CHN2: variants seen among roughly 807,000 people sequenced by gnomAD.
The protein encoded by CHN2 is beta-chimaerin.
In CHN2, 35 loss-of-function variants were observed where a neutral mutation model predicts 56.3. That is an observed-to-expected ratio of 0.62 (90% CI 0.47 to 0.82). The LOEUF (loss-of-function observed/expected upper bound fraction) is 0.82, where lower values mean the gene tolerates loss of function less well. Ranked by LOEUF, CHN2 falls within the 40% of genes least tolerant of loss-of-function variation. The probability of loss-of-function intolerance (pLI) is 0.00; values close to 1 mark genes in which losing one functional copy is unlikely to be tolerated. For synonymous variants in CHN2, 210 were observed against 212.8 expected (o/e 0.99, Z 0.12); for missense variants, 491 against 580.5 (o/e 0.85, Z 1.58).
chr7:29,193,652 A>G (rs1783186855), upstream of CHN2: 2 of 152,340 alleles, frequency 1.3e-5, no homozygotes, highest in South Asian at 4.1e-4. Context: ...TCCCAGTGAA[A>G]TTAATTTAGG....
At chr7:29,464,959 G>A (rs1585489421) in intron 6 of CHN2, among the ~76,000 whole-genome samples, 1 of 152,142 alleles carries the variant, frequency 6.6e-6, no homozygotes, top group Non-Finnish European at 1.5e-5. Context: ...GATCAAAGCC[G>A]CCAGCCGTGT....
At chr7:29,461,915 C>A (rs1184155285) in intron 6 of CHN2, among the ~76,000 whole-genome samples, 5 of 152,162 alleles carry the variant, frequency 3.3e-5, no homozygotes, top group African/African-American at 1.2e-4. Flanking sequence ...GTGTCTCATA[C>A]ATACATATAA....
At chr7:29,190,589 T>C (rs761197713), upstream of CHN2, among the ~76,000 whole-genome samples, 4 of 152,158 alleles carry the variant, frequency 2.6e-5, no homozygotes, top group South Asian at 2.1e-4. Context: ...TAACAGCCGG[T>C]GAAGGAGGGT....
At chr7:29,330,521 G>A (rs1470968297) in intron 1 of CHN2, among the ~76,000 whole-genome samples, 1 of 152,182 alleles carries the variant, frequency 6.6e-6, no homozygotes, top group Non-Finnish European at 1.5e-5. Context: ...CTTGTCTTTT[G>A]AAAGTAAATT....
chr7:29,323,920 C>T (rs1274823942), intron 1 of CHN2, among the ~76,000 whole-genome samples: 3 of 151,926 alleles, frequency 2.0e-5, no homozygotes, highest in Non-Finnish European at 2.9e-5. Context: ...AGGAGAATGG[C>T]GTGAACCCGG....
intron 7 of CHN2, among the ~76,000 whole-genome samples, chr7:29,489,901 A>G (rs1788463863): frequency 6.6e-6 from 1 of 152,194 alleles, no homozygotes; most frequent in South Asian, 2.1e-4. Flanking sequence ...AAATTTTAGA[A>G]AATCTGTGAT....
At chr7:29,314,634 T>C (rs1408862766) in intron 1 of CHN2, among the ~76,000 whole-genome samples, 1 of 152,178 alleles carries the variant, frequency 6.6e-6, no homozygotes, top group East Asian at 1.9e-4. Flanking sequence ...TCAAAGAAGG[T>C]ATTAATTCAC....
chr7:29,347,271 C>T (rs1797521576), intron 1 of CHN2, among the ~76,000 whole-genome samples: 1 of 152,054 alleles, frequency 6.6e-6, no homozygotes, highest in Admixed American at 6.6e-5. Flanking sequence ...ATACAGAGAC[C>T]CTTCACCCAG....
At chr7:29,147,189 G>A (rs1792856168) in intron 2 of CHN2, 6 of 575,912 alleles carry the variant, frequency 1.0e-5, no homozygotes, top group South Asian at 2.3e-5. Flanking sequence ...CAGTACGGGA[G>A]CAAGAACTAA....
chr7:29,400,198 T>C (rs1007282727), intron 5 of CHN2: 1 of 305,502 alleles, frequency 3.3e-6, no homozygotes, highest in Non-Finnish European at 6.5e-6. Flanking sequence ...CTCTGACCCT[T>C]ACAAATGAGA....
intron 12 of CHN2, among the ~76,000 whole-genome samples, chr7:29,510,864 G>A (rs1487441030): frequency 4.6e-5 from 7 of 152,174 alleles, no homozygotes; most frequent in East Asian, 3.9e-4. Context: ...AGCTGTCTGC[G>A]TGAGTGTGTG....
At chr7:29,305,426 A>T (rs1794061205) in intron 1 of CHN2, among the ~76,000 whole-genome samples, 1 of 152,114 alleles carries the variant, frequency 6.6e-6, no homozygotes, top group Admixed American at 6.5e-5. Context: ...CAACATTCTA[A>T]CAGGGATAGT....
At chr7:29,353,808 G>A (rs1798080286) in intron 1 of CHN2, among the ~76,000 whole-genome samples, 1 of 152,152 alleles carries the variant, frequency 6.6e-6, no homozygotes, top group South Asian at 2.1e-4. Flanking sequence ...CTGTAGTTTG[G>A]AAAAAAAGGA....
intron 3 of CHN2, among the ~76,000 whole-genome samples, chr7:29,388,171 G>T (rs1041648090): frequency 3.3e-5 from 5 of 152,320 alleles, no homozygotes; most frequent in East Asian, 3.9e-4. Context: ...TTAGGAATGG[G>T]TGAGACTCAG....
intron 1 of CHN2, among the ~76,000 whole-genome samples, chr7:29,252,527 G>A (rs529380493): frequency 1.4e-5 from 2 of 146,332 alleles, no homozygotes; most frequent in African/African-American, 2.5e-5. Flanking sequence ...TAAGTACTTG[G>A]TACATGCACA....
chr7:29,430,789 CAAAAAAAAAAA>C (rs72339566), intron 6 of CHN2, among the ~76,000 whole-genome samples: 30 of 113,690 alleles, frequency 2.6e-4, no homozygotes, highest in Middle Eastern at 4.1e-3. Flanking sequence ...AAGATGATAG[CAAAAAAAAAAA>C]AAAAAAAAAA....
intron 1 of CHN2, among the ~76,000 whole-genome samples, chr7:29,342,866 T>C (rs573783027): frequency 2.6e-5 from 4 of 152,362 alleles, no homozygotes; most frequent in South Asian, 2.1e-4. Context: ...TTAGTGCTCA[T>C]TGGATGAATG....
intron 1 of CHN2, chr7:29,195,312 G>C (rs1490608852): frequency 3.1e-6 from 1 of 321,288 alleles, no homozygotes; most frequent in African/African-American, 2.2e-5. Flanking sequence ...GCTGGAGCGG[G>C]GGCTGGCGGG....
intron 1 of CHN2, among the ~76,000 whole-genome samples, chr7:29,303,770 T>C (rs1327909609): frequency 6.6e-6 from 1 of 152,194 alleles, no homozygotes; most frequent in Non-Finnish European, 1.5e-5. Context: ...TCTGAAGTCA[T>C]GAAAGCAGGC....
Sources: allele counts gnomAD v4.1 joint callset (sites outside exome capture counted in the v4.1 genomes callset), GRCh38; gene constraint gnomAD v4.1.1; transcripts MANE v1.5; gene names NCBI Gene and HGNC (gene_info 2026-07-23, HGNC 2026-07-21).